The following NCKAP5 variants were observed in gnomAD, a reference collection of about 807,000 sequenced individuals.
NCKAP5 encodes NCK associated protein 5.
Under a neutral mutation model 167.0 loss-of-function variants are expected in NCKAP5, and 92 were observed. That is an observed-to-expected ratio of 0.55 (90% confidence interval 0.47 to 0.66). The LOEUF (loss-of-function observed/expected upper bound fraction) is 0.66. Among genes scored for constraint, NCKAP5 ranks in the 30% least tolerant of loss-of-function variants. The pLI is 0.00. For missense variants in NCKAP5, 2,378 were observed against 2,315.0 expected, an observed-to-expected ratio of 1.03 and a Z score of -0.56; for synonymous variants, 891 against 877.4, an observed-to-expected ratio of 1.02 and a Z score of -0.27.
chr2:133,145,821 T>C (rs2083172977), intron 5 of NCKAP5, among the ~76,000 whole-genome samples: 1 of 152,048 alleles, frequency 6.6e-6, no homozygotes, highest in South Asian at 2.1e-4. Context: ...CTGCAGCACA[T>C]TGCAGCTTTC....
chr2:133,400,245 TGTAAAGGATCA>T (rs1344609166), intron 3 of NCKAP5, among the ~76,000 whole-genome samples: 28 of 152,118 alleles, frequency 1.8e-4, no homozygotes, highest in Middle Eastern at 3.4e-3. Context: ...GAAGTTTAAA[TGTAAAGGATCA>T]GTGATTATCA....
chr2:133,452,884 A>G (rs75209792), intron 3 of NCKAP5, among the ~76,000 whole-genome samples: 5,042 of 152,232 alleles, frequency 0.033, 124 homozygotes, highest in Admixed American at 0.08. Context: ...TTTTCACCAC[A>G]CCCAAATTTA....
At chr2:133,297,166 AGTGTGTGTGTGTGTGTGT>A (rs60321858) in intron 4 of NCKAP5, among the ~76,000 whole-genome samples, 303 of 142,176 alleles carry the variant, frequency 2.1e-3, no homozygotes, top group African/African-American at 7.4e-3. Context: ...AGGTTGTCAC[AGTGTGTGTGTGTGTGTGT>A]GTGTGTGTGT....
chr2:132,682,111 AAAG>A (rs373704369), intron 19 of NCKAP5, among the ~76,000 whole-genome samples: 15 of 152,224 alleles, frequency 9.9e-5, no homozygotes, highest in African/African-American at 3.4e-4. Context: ...CTTATTCTAA[AAAG>A]AAGAATTTTT....
chr2:132,676,308 T>A, intron 19 of NCKAP5, among the ~76,000 whole-genome samples: 1 of 141,038 alleles, frequency 7.1e-6, no homozygotes, highest in Non-Finnish European at 1.5e-5. Flanking sequence ...TTTTTTTTTT[T>A]TTTGCAGTGT....
rs576549955 is a variant in NCKAP5 at position 133,386,164 on chromosome 2, G to A, written c.70-83054C>T. 5.9e-5 allele frequency among the ~76,000 whole-genome samples: 9 copies of A among 152,022 alleles called. No individual in the cohort carries two copies. In the East Asian group the frequency reaches 1.5e-3, roughly 26 times the overall value. On this transcript the variant is annotated intron_variant, in intron 3 of 19. Coordinates refer to ENST00000409261, the MANE Select transcript of NCKAP5 (RefSeq NM_207363.3). Reference sequence around the variant, plus strand: ...TAGGGTGACAATTTTAGATCTTTCCGGCTTTCTCTTGTGGGCATTTAGTGC... The same window carrying A: ...TAGGGTGACAATTTTAGATCTTTCCAGCTTTCTCTTGTGGGCATTTAGTGC...
intron 3 of NCKAP5, among the ~76,000 whole-genome samples, chr2:133,474,537 A>G (rs1371134016): frequency 6.6e-6 from 1 of 152,174 alleles, no homozygotes; most frequent in Admixed American, 6.5e-5. Context: ...GAAAATTGAT[A>G]AGGGAATAGA....
intron 11 of NCKAP5, among the ~76,000 whole-genome samples, chr2:132,820,679 G>A (rs1223509411): frequency 2.0e-5 from 3 of 152,190 alleles, no homozygotes; most frequent in African/African-American, 4.8e-5. Context: ...CACAGACTGT[G>A]GGTAACACAT....
intron 3 of NCKAP5, among the ~76,000 whole-genome samples, chr2:133,370,998 G>A (rs564029724): frequency 7.0e-4 from 106 of 152,204 alleles, no homozygotes; most frequent in African/African-American, 2.3e-3. Context: ...AGCAAATGGC[G>A]ACTACCTGAA....
chr2:132,875,659 A>C (rs1459297529), intron 9 of NCKAP5, among the ~76,000 whole-genome samples: 1 of 152,220 alleles, frequency 6.6e-6, no homozygotes, highest in Non-Finnish European at 1.5e-5. Context: ...AACTGTGGCC[A>C]AGGCAATACT....
intron 5 of NCKAP5, among the ~76,000 whole-genome samples, chr2:133,169,452 T>C (rs1055481865): frequency 2.0e-5 from 3 of 152,202 alleles, no homozygotes; most frequent in Non-Finnish European, 4.4e-5. Context: ...AACAGCTAGA[T>C]GGTTTGTCAT....
chr2:133,647,010 T>C, the NCKAP5 span, among the ~76,000 whole-genome samples: 2 of 151,714 alleles, frequency 1.3e-5, no homozygotes, highest in African/African-American at 4.8e-5. Flanking sequence ...AATCAAAATA[T>C]ATCAGTACAA....
chr2:133,131,032 A>T (rs1472189026), intron 5 of NCKAP5, among the ~76,000 whole-genome samples: 1 of 152,200 alleles, frequency 6.6e-6, no homozygotes, highest in East Asian at 1.9e-4. Flanking sequence ...CTCTGTTTTG[A>T]AATAAACCAA....
Position 133,548,991 on chromosome 2 carries a change from A to G in NCKAP5, c.-62+10059T>C, listed in dbSNP as rs1332478152. Among the ~76,000 whole-genome samples the G allele has an allele frequency of 1.8e-3, 278 of 151,728 alleles. 1 individual carries two copies. The highest frequency in any genetic ancestry group is 5.8e-3 in the African/African-American group (240 of 41,298). ...GCTGTATTCAGGAAACCCATCTCAC[A>G]TGCAGAGACACACATAGGCTCAAAA... On this transcript the variant is annotated intron_variant, in intron 2 of 19. Coordinates refer to ENST00000409261, the MANE Select transcript of NCKAP5 (RefSeq NM_207363.3).
At chr2:133,157,768 T>C (rs2083627488) in intron 5 of NCKAP5, among the ~76,000 whole-genome samples, 1 of 152,200 alleles carries the variant, frequency 6.6e-6, no homozygotes, top group East Asian at 1.9e-4. Flanking sequence ...ATGTTAATTA[T>C]GGAGTGGTGG....
intron 3 of NCKAP5, among the ~76,000 whole-genome samples, chr2:133,451,028 A>T (rs13396089): frequency 2.4e-3 from 371 of 152,302 alleles, no homozygotes; most frequent in Non-Finnish European, 4.1e-3. Context: ...GAAGCTGTGA[A>T]TGTGACTTTA....
intron 5 of NCKAP5, among the ~76,000 whole-genome samples, chr2:133,131,205 G>T (rs1434484499): frequency 6.6e-6 from 1 of 152,096 alleles, no homozygotes; most frequent in Admixed American, 6.5e-5. Context: ...ATCTAGATGT[G>T]AATCCTGATC....
chr2:132,767,533 C>T lies in NCKAP5; in HGVS notation c.5128+6283G>A, dbSNP rs185041335. 6.4e-3 allele frequency among the ~76,000 whole-genome samples: 969 copies of T among 152,294 alleles called. 12 individuals are homozygous for T. The highest frequency in any genetic ancestry group is 0.022 in the African/African-American group (896 of 41,560). Reference sequence around the variant, plus strand: ...TGCTGGGATTACAGGCGTGAGCCACCGCGCCTGGCCTGAGTTTTTCTTAAC... The same window carrying T: ...TGCTGGGATTACAGGCGTGAGCCACTGCGCCTGGCCTGAGTTTTTCTTAAC... On this transcript the variant is annotated intron_variant, in intron 16 of 19. Transcript: ENST00000409261.
At chr2:132,915,547 G>C (rs1055056342) in intron 8 of NCKAP5, 4 of 152,128 alleles carry the variant, frequency 2.6e-5, no homozygotes, top group Non-Finnish European at 5.9e-5. Flanking sequence ...CTGGAACACT[G>C]TAAACACAGA....
Sources: gnomAD v4.1 joint callset for allele counts (sites outside exome capture counted in the v4.1 genomes callset) on GRCh38, gnomAD v4.1.1 for gene constraint, MANE v1.5 for transcripts, NCBI Gene and HGNC (gene_info 2026-07-23, HGNC 2026-07-21) for gene names.